CHD6: variants seen among roughly 807,000 people sequenced by gnomAD.
CHD6 encodes the protein chromodomain helicase DNA binding protein 6.
CHD6 carries 50 observed loss-of-function variants against 276.9 expected under a neutral mutation model. The observed-to-expected ratio is 0.18, with a 90% CI of 0.14 to 0.23. The LOEUF (loss-of-function observed/expected upper bound fraction) is 0.23. CHD6 is among the 10% of genes least tolerant of loss of function. The pLI, the probability that CHD6 is intolerant of heterozygous loss-of-function variation, is 1.00. For synonymous variants in CHD6, 1,173 were observed against 1,229.3 expected (o/e 0.95, Z 0.96); for missense variants, 2,564 against 3,365.8 (o/e 0.76, Z 5.89).
At chr20:41,546,802 G>T (rs868081375) in intron 2 of CHD6, among the ~76,000 whole-genome samples, 7 of 152,294 alleles carry the variant, frequency 4.6e-5, no homozygotes, top group Middle Eastern at 3.4e-3. Context: ...GTAGATAAAA[G>T]TCTATAGCTC....
intron 12 of CHD6, among the ~76,000 whole-genome samples, 179 bp from the exon 13 acceptor site, chr20:41,488,783 C>G (rs148419709): frequency 5.9e-5 from 9 of 152,290 alleles, no homozygotes; most frequent in African/African-American, 2.2e-4. Context: ...AGCCAGAAGG[C>G]CTCACACCAT....
chr20:41,467,518 T>A (rs2042948913), intron 17 of CHD6, among the ~76,000 whole-genome samples: 1 of 124,858 alleles, frequency 8.0e-6, no homozygotes, highest in Non-Finnish European at 1.6e-5. Context: ...ACATTTGGGG[T>A]GGACAAAAGC....
In CHD6 at chr20:41,491,829, A is replaced by C. The variant is rs746272144; in HGVS notation, c.1315-10T>G. The C allele has an allele frequency of 6.2e-7, 1 of 1,613,644 alleles. No homozygotes were observed. Among genetic ancestry groups the C allele is most frequent in the Middle Eastern group, 1.7e-4 (1 of 6,056 alleles). ...CTGAAGCAGGCCGCTCCTAGGGAGG[A>C]AAGCAAACAGCATAATAGATAGAGA... On this transcript the variant is annotated splice_polypyrimidine_tract_variant and intron_variant, in intron 10 of 36. Transcript: ENST00000373233.
rs2047324802 is a variant in CHD6, at chr20:41,425,293, T to G, written c.4231A>C (p.Lys1411Gln). The G allele has an allele frequency of 1.9e-6, 3 of 1,614,178 alleles. No homozygotes were observed. The highest frequency in any genetic ancestry group is 1.6e-4 in the Middle Eastern group (1 of 6,062). ...AGAATTTCAGGCCGGCACAGTTCCTTGCGGTTGCAGCGCTGGTAAACAGTG... is the reference window on the plus strand; with the variant it reads ...AGAATTTCAGGCCGGCACAGTTCCTGGCGGTTGCAGCGCTGGTAAACAGTG... The part of the protein sequence containing the change: ...LVTVYQRCNR[K>Q]ELCRPEILGP... Residue 1411 changes from lysine to glutamine, a missense_variant, in exon 29 of 37, where the codon AAG (lysine) becomes CAG (glutamine). Transcript: ENST00000373233.
intron 30 of CHD6, among the ~76,000 whole-genome samples, chr20:41,422,922 G>C (rs543813140): frequency 6.6e-6 from 1 of 152,260 alleles, no homozygotes; most frequent in African/African-American, 2.4e-5. Context: ...TGGTTGCTTT[G>C]GCTTTCCTAA....
At chr20:41,543,784 G>A (rs1435644316) in intron 2 of CHD6, among the ~76,000 whole-genome samples, 1 of 152,178 alleles carries the variant, frequency 6.6e-6, no homozygotes, top group African/African-American at 2.4e-5. Flanking sequence ...TACAAAATGA[G>A]AACGTTTTAT....
At chr20:41,551,276 A>C (rs1029127311) in intron 2 of CHD6, 29 bp downstream of exon 2, 5 of 1,431,072 alleles carry the variant, frequency 3.5e-6, no homozygotes, top group Non-Finnish European at 4.9e-6. Context: ...ACCCGGATGC[A>C]TTCACTTAAA....
At chr20:41,478,252 A>G (rs886515427) in intron 16 of CHD6, among the ~76,000 whole-genome samples, 3 of 152,186 alleles carry the variant, frequency 2.0e-5, no homozygotes, top group Admixed American at 1.3e-4. Flanking sequence ...AAGATATCAG[A>G]CATGAGGCTG....
intron 1 of CHD6, among the ~76,000 whole-genome samples, chr20:41,591,003 A>G (rs958029238): frequency 2.0e-5 from 3 of 151,858 alleles, no homozygotes; most frequent in African/African-American, 4.8e-5. Context: ...AATGTGGCAC[A>G]TATACACCAT....
At position 41,414,849 on chromosome 20, in the gene CHD6, G is replaced by A. The variant is rs1478184370; in HGVS notation, c.6939+337C>T. The A allele has an allele frequency of 1.2e-5, 14 of 1,177,214 alleles. No individual in the cohort carries two copies. The Admixed American group carries it at 2.2e-4, about 18-fold the overall frequency. 72.9% of individuals were successfully genotyped at this position (1,177,214 alleles called of 1,614,324 possible). On this transcript the variant is annotated intron_variant, in intron 34 of 36. Coordinates refer to ENST00000373233, the MANE Select transcript of CHD6 (RefSeq NM_032221.5). ...CAGTCTTGGAGAGCCTCACTACCCC[G>A]GAGAAAAGCCGCTGCACACTCAACC...
chr20:41,544,962 A>G (rs1363603204), intron 2 of CHD6, among the ~76,000 whole-genome samples: 9 of 152,154 alleles, frequency 5.9e-5, no homozygotes, highest in African/African-American at 2.2e-4. Flanking sequence ...TCAAACTCCC[A>G]TCTCATGCTT....
In CHD6 at chr20:41,457,266, C is replaced by T. The variant is rs762197157; in HGVS notation, c.2827G>A (p.Gly943Arg). 1 of 1,613,240 alleles carries T rather than the reference C, an allele frequency of 6.2e-7. No homozygotes were observed. The highest frequency in any genetic ancestry group is 1.1e-5 in the South Asian group (1 of 91,058). The change falls in exon 18 of 37, where the codon GGG becomes AGG. Residue 943 changes from glycine (G) to arginine (R), a missense_variant and splice_region_variant. Transcript: ENST00000373233. The part of the protein sequence containing the change: ...QDINRKGGTN[G>R]VQQLSKMEVE... ...CAGAGCAGGCCCATCACACTCACCC[C>T]ATTGGTGCCGCCCTTTCGGTTGATG...
intron 2 of CHD6, among the ~76,000 whole-genome samples, chr20:41,536,588 G>A (rs536502835): frequency 3.3e-5 from 5 of 152,236 alleles, no homozygotes; most frequent in African/African-American, 1.2e-4. Context: ...AATAATGAGC[G>A]TATCTGCTAC....
chr20:41,595,903 GC>G (rs1274056773), intron 1 of CHD6, among the ~76,000 whole-genome samples: 1 of 151,942 alleles, frequency 6.6e-6, no homozygotes, highest in East Asian at 1.9e-4. Flanking sequence ...AATAGACTAT[GC>G]CCTGTGCTGG....
chr20:41,614,983 T>C (rs890318885), intron 1 of CHD6, among the ~76,000 whole-genome samples: 3 of 152,106 alleles, frequency 2.0e-5, no homozygotes, highest in Admixed American at 1.3e-4. Context: ...AAAGTAAAAA[T>C]GGATGCACGT....
At chr20:41,585,709 A>G (rs772706072) in intron 1 of CHD6, among the ~76,000 whole-genome samples, 7 of 152,160 alleles carry the variant, frequency 4.6e-5, no homozygotes, top group Non-Finnish European at 7.3e-5. Context: ...AGGAGGGGAC[A>G]CTTCCCACCT....
intron 17 of CHD6, among the ~76,000 whole-genome samples, chr20:41,464,632 C>G (rs2042876264): frequency 6.6e-6 from 1 of 152,156 alleles, no homozygotes; most frequent in Admixed American, 6.5e-5. Context: ...ATAAATATAG[C>G]TGTGTGGTAT....
Position 41,404,428 on chromosome 20 carries a change from C to A in CHD6, c.*165G>T. 2 of 1,319,908 alleles carry A rather than the reference C, an allele frequency of 1.5e-6. No homozygotes were observed. Among genetic ancestry groups the A allele is most frequent in the Non-Finnish European group, 1.9e-6 (2 of 1,036,528 alleles). The allele number at this position is 1,319,908 out of a possible 1,614,324, so 81.8% of individuals were successfully genotyped here. A position where few individuals can be genotyped will look rare whatever the true frequency, so the allele number is the denominator to read the frequency against. On this transcript the variant is annotated 3_prime_UTR_variant, in exon 37 of 37. Transcript: ENST00000373233. ...CACTTATCTAATGAAGTGGTGAGAC[C>A]CTGCAACTATTAACATCTGTTACCA... is the stretch of plus-strand genomic sequence containing the variant.
chr20:41,558,912 T>G (rs1283573779), intron 1 of CHD6, among the ~76,000 whole-genome samples: 1 of 152,186 alleles, frequency 6.6e-6, no homozygotes, highest in Non-Finnish European at 1.5e-5. Context: ...AGGTACTTAT[T>G]ACTCCCTGAT....
Sources: allele counts gnomAD v4.1 joint callset (sites outside exome capture counted in the v4.1 genomes callset), GRCh38; gene constraint gnomAD v4.1.1; transcripts MANE v1.5; gene names NCBI Gene and HGNC (gene_info 2026-07-23, HGNC 2026-07-21).